Variants in SLC25A26 observed in about 807,000 individuals in gnomAD.
SLC25A26 encodes solute carrier family 25 member 26.
SLC25A26 carries 36 observed loss-of-function variants against 37.8 expected under a neutral mutation model. That is an observed-to-expected ratio of 0.95 (90% CI 0.73 to 1.26). The LOEUF is 1.26. Ranked by LOEUF, SLC25A26 falls within the 50% of genes most tolerant of loss-of-function variation. The probability of loss-of-function intolerance (pLI) is 0.00; values close to 1 mark genes in which losing one functional copy is unlikely to be tolerated. For missense variants in SLC25A26, 390 were observed against 331.1 expected (o/e 1.18, Z -1.38); for synonymous variants, 129 against 122.5 (o/e 1.05, Z -0.35).
At position 66,221,633 on chromosome 3, in the gene SLC25A26, G is replaced by T. The variant is rs151310284; in HGVS notation, c.33+506G>T. Reference sequence around the variant, plus strand: ...TATTTCTGCTCCAAGCCTAGGCTTTGGAGAAATATTGGTGAGCACACATAG... The same window carrying T: ...TATTTCTGCTCCAAGCCTAGGCTTTTGAGAAATATTGGTGAGCACACATAG... On this transcript the variant is annotated intron_variant, in intron 1 of 9. Transcript: ENST00000354883. 5.7e-3 allele frequency among the ~76,000 whole-genome samples: 868 copies of T among 152,002 alleles called. 21 individuals carry two copies. Among genetic ancestry groups the T allele is most frequent in the Admixed American group, 0.043 (658 of 15,264 alleles).
intron 6 of SLC25A26, among the ~76,000 whole-genome samples, chr3:66,359,224 A>G (rs1464382876): frequency 1.3e-5 from 2 of 152,184 alleles, no homozygotes; most frequent in Admixed American, 6.5e-5. Context: ...TTCTCCCTAG[A>G]TTATAACAGG....
intron 9 of SLC25A26, among the ~76,000 whole-genome samples, chr3:66,377,192 T>C: frequency 6.6e-6 from 1 of 152,206 alleles, no homozygotes; most frequent in East Asian, 1.9e-4. Flanking sequence ...AAGGGGACTG[T>C]GCAGGTGGAG....
Position 66,369,544 on chromosome 3 carries a change from TA to T in SLC25A26, c.633+4del. The T allele has an allele frequency of 6.3e-7, 1 of 1,592,094 alleles. No individual in the cohort carries two copies. Among genetic ancestry groups the T allele is most frequent in the Admixed American group, 1.8e-5 (1 of 57,022 alleles). The stretch of plus-strand genomic sequence containing the variant: ...AAGACAAGAATTACGCTGGCAAAGG[TA>T]AGTGGTGAAATAATGTAATGGAGAT... On this transcript the variant is annotated splice_donor_region_variant and intron_variant, in intron 8 of 9. Coordinates refer to ENST00000354883, the MANE Select transcript of SLC25A26 (RefSeq NM_001379210.1).
intron 5 of SLC25A26, among the ~76,000 whole-genome samples, chr3:66,282,087 C>A (rs1301134882): frequency 1.4e-5 from 2 of 147,832 alleles, no homozygotes; most frequent in Non-Finnish European, 3.0e-5. Flanking sequence ...TCTCGGCTCA[C>A]TGCAAGCTCC....
At chr3:66,255,604 T>C (rs1391439450) in intron 3 of SLC25A26, among the ~76,000 whole-genome samples, 4 of 152,142 alleles carry the variant, frequency 2.6e-5, no homozygotes, top group Non-Finnish European at 5.9e-5. Context: ...TCCTGTGTCA[T>C]GGATTCATAC....
At chr3:66,135,400 A>G (rs1259543478) in intron 1 of SLC25A26, among the ~76,000 whole-genome samples, 1 of 152,222 alleles carries the variant, frequency 6.6e-6, no homozygotes, top group Non-Finnish European at 1.5e-5. Context: ...CATGTATTCC[A>G]TCTCTCCAAT....
chr3:66,277,179 C>T (rs2074181010), intron 5 of SLC25A26, among the ~76,000 whole-genome samples: 1 of 152,012 alleles, frequency 6.6e-6, no homozygotes, highest in Non-Finnish European at 1.5e-5. Context: ...CATCAATTAC[C>T]AGCTCTTGAG....
intron 2 of SLC25A26, among the ~76,000 whole-genome samples, chr3:66,239,964 T>G (rs957863877): frequency 1.3e-5 from 2 of 152,064 alleles, no homozygotes; most frequent in Non-Finnish European, 2.9e-5. Context: ...CCTTTCTGCT[T>G]CTTAGGAGCT....
At chr3:66,181,780 C>CTTTTTTT (rs922019884) in intron 1 of SLC25A26, among the ~76,000 whole-genome samples, 31 of 96,958 alleles carry the variant, frequency 3.2e-4, no homozygotes, top group Non-Finnish European at 4.1e-4. Flanking sequence ...CTCCCCTTGT[C>CTTTTTTT]TTTTTTTTTT....
At chr3:66,158,809 A>C (rs1447403075) in intron 1 of SLC25A26, among the ~76,000 whole-genome samples, 1 of 152,178 alleles carries the variant, frequency 6.6e-6, no homozygotes, top group Non-Finnish European at 1.5e-5. Context: ...TGTTTAAGGA[A>C]TTGGTCTTGA....
chr3:66,335,166 T>G (rs896754943), intron 5 of SLC25A26, among the ~76,000 whole-genome samples: 3 of 152,240 alleles, frequency 2.0e-5, no homozygotes, highest in Non-Finnish European at 4.4e-5. Context: ...TTAAATGCCC[T>G]AAATTCTGCT....
chr3:66,226,099 C>T (rs947934624), intron 1 of SLC25A26, among the ~76,000 whole-genome samples: 1 of 152,162 alleles, frequency 6.6e-6, no homozygotes, highest in African/African-American at 2.4e-5. Flanking sequence ...GTACCAATTT[C>T]CTGTATTAGT....
intron 5 of SLC25A26, among the ~76,000 whole-genome samples, chr3:66,322,360 A>G (rs942930871): frequency 6.6e-6 from 1 of 152,204 alleles, no homozygotes; most frequent in Non-Finnish European, 1.5e-5. Context: ...TCATTAAGCA[A>G]TGAGATTCAT....
intron 9 of SLC25A26, among the ~76,000 whole-genome samples, chr3:66,376,168 G>A (rs1700639290): frequency 6.6e-6 from 1 of 151,862 alleles, no homozygotes; most frequent in Middle Eastern, 3.4e-3. Flanking sequence ...GTTCTTATGG[G>A]TGAGCAAAGA....
At position 66,304,845 on chromosome 3, in the gene SLC25A26, A is replaced by C. The variant is rs114872332; in HGVS notation, c.453+41466A>C. Among the ~76,000 whole-genome samples, 822 of 152,328 alleles carry C rather than the reference A, an allele frequency of 5.4e-3. 13 individuals carry two copies. Among genetic ancestry groups the C allele is most frequent in the African/African-American group, 0.015 (621 of 41,586 alleles). ...TGATAAAAATTGATACATTAGTATT[A>C]AGAGGATGACTTATAACATGTACTA... is the stretch of plus-strand genomic sequence containing the variant. On this transcript the variant is annotated intron_variant, in intron 5 of 9. Coordinates refer to ENST00000354883, the MANE Select transcript of SLC25A26 (RefSeq NM_001379210.1).
At chr3:66,230,488 A>G (rs782397790) in intron 1 of SLC25A26, among the ~76,000 whole-genome samples, 10 of 151,946 alleles carry the variant, frequency 6.6e-5, no homozygotes, top group Non-Finnish European at 1.5e-4. Context: ...GCTGGCTGCA[A>G]TAGGCAGGAG....
At chr3:66,355,971 G>T in intron 6 of SLC25A26, 1 of 454,330 alleles carries the variant, frequency 2.2e-6, no homozygotes, top group East Asian at 6.9e-5. Context: ...ATGATTCTGT[G>T]CACATACTTA....
chr3:66,265,626 T>TA (rs1338925321), intron 5 of SLC25A26, among the ~76,000 whole-genome samples: 1 of 152,264 alleles, frequency 6.6e-6, no homozygotes, highest in Non-Finnish European at 1.5e-5. Context: ...TTTTTGTTTT[T>TA]AACTAGAGAT....
chr3:66,162,511 A>C (rs569933431), intron 1 of SLC25A26, among the ~76,000 whole-genome samples: 1 of 152,236 alleles, frequency 6.6e-6, no homozygotes, highest in African/African-American at 2.4e-5. Flanking sequence ...CCATGCAGCA[A>C]ACTGCAAGTA....
Sources: gnomAD v4.1 joint callset for allele counts (sites outside exome capture counted in the v4.1 genomes callset) on GRCh38, gnomAD v4.1.1 for gene constraint, MANE v1.5 for transcripts, NCBI Gene and HGNC (gene_info 2026-07-23, HGNC 2026-07-21) for gene names.